Variants in SCHIP1 observed in about 807,000 individuals in gnomAD.
SCHIP1 encodes schwannomin-interacting protein 1.
Under a neutral mutation model 29.7 loss-of-function variants are expected in SCHIP1, and 8 were observed. The observed-to-expected ratio is 0.27, with a 90% CI of 0.16 to 0.49. SCHIP1 has a LOEUF of 0.49. SCHIP1 is among the 20% of genes least tolerant of loss of function. The pLI, the probability that SCHIP1 is intolerant of heterozygous loss-of-function variation, is 0.99. For missense variants in SCHIP1, 193 were observed against 294.6 expected (o/e 0.66, Z 2.52); for synonymous variants, 76 against 94.9 (o/e 0.80, Z 1.16).
the SCHIP1 span, among the ~76,000 whole-genome samples, chr3:159,407,944 T>G: frequency 6.6e-6 from 1 of 152,116 alleles, no homozygotes; most frequent in African/African-American, 2.4e-5. Context: ...AAACTTCAAA[T>G]AAACAACTTA....
At chr3:159,698,546 G>T in the SCHIP1 span, among the ~76,000 whole-genome samples, 1 of 152,236 alleles carries the variant, frequency 6.6e-6, no homozygotes, top group Non-Finnish European at 1.5e-5. Flanking sequence ...GCACTTGCTT[G>T]ATAGGTACAG....
the SCHIP1 span, among the ~76,000 whole-genome samples, chr3:159,619,436 A>G: frequency 6.6e-6 from 1 of 152,320 alleles, no homozygotes; most frequent in East Asian, 1.9e-4. Flanking sequence ...TTATGAAAAC[A>G]GAGGGATTAA....
At chr3:159,791,411 C>T in the SCHIP1 span, among the ~76,000 whole-genome samples, 37,195 of 152,190 alleles carry the variant, frequency 0.24, 4,828 homozygotes, top group East Asian at 0.45. Flanking sequence ...AGGGAAGAGG[C>T]GATGTTACCA....
At chr3:159,762,809 T>TG in the SCHIP1 span, among the ~76,000 whole-genome samples, 4 of 152,234 alleles carry the variant, frequency 2.6e-5, no homozygotes, top group African/African-American at 9.6e-5. Context: ...CGTACGTTTT[T>TG]GAAAACGCCA....
chr3:159,866,288 GTTCT>G lies in SCHIP1; in HGVS notation c.149+10_149+13del, dbSNP rs1413450358. 1 of 1,610,964 alleles carries G rather than the reference GTTCT, an allele frequency of 6.2e-7. No individual in the cohort carries two copies. The highest frequency in any genetic ancestry group is 8.5e-7 in the Non-Finnish European group (1 of 1,177,810). ...AGCCAAGCCTTTCCTCCCGGTGAGTGTTCTTTTGAGTTGAATTTCTGATATGTAC... is the reference window on the plus strand; with the variant it reads ...AGCCAAGCCTTTCCTCCCGGTGAGTGTTTGAGTTGAATTTCTGATATGTAC... On this transcript the variant is annotated splice_region_variant and intron_variant, in intron 2 of 6. Coordinates refer to ENST00000445224, the Ensembl canonical transcript of SCHIP1.
chr3:159,569,324 C>T, the SCHIP1 span, among the ~76,000 whole-genome samples: 2 of 152,260 alleles, frequency 1.3e-5, no homozygotes, highest in South Asian at 4.1e-4. Context: ...CCTAGCCCCC[C>T]ACACACCAAC....
chr3:159,549,592 G>T, the SCHIP1 span, among the ~76,000 whole-genome samples: 795 of 152,248 alleles, frequency 5.2e-3, 10 homozygotes, highest in African/African-American at 0.018. Context: ...TCCAATTTAA[G>T]GAGAAAGTTT....
chr3:159,639,001 C>G, the SCHIP1 span, among the ~76,000 whole-genome samples: 2 of 152,070 alleles, frequency 1.3e-5, no homozygotes, highest in Non-Finnish European at 2.9e-5. Context: ...ATGACCTAGA[C>G]ATTTACATAA....
At chr3:159,713,854 CA>C in the SCHIP1 span, among the ~76,000 whole-genome samples, 26,346 of 152,180 alleles carry the variant, frequency 0.17, 2,566 homozygotes, top group Middle Eastern at 0.24. Flanking sequence ...TACAGCAAAG[CA>C]AACAAATACA....
intron 1 of SCHIP1, chr3:159,840,299 G>A (rs1055109709): frequency 3.1e-5 from 37 of 1,187,368 alleles, no homozygotes; most frequent in Non-Finnish European, 4.0e-5. Flanking sequence ...GCCTCTTTCC[G>A]GATATTCAGG....
chr3:159,871,494 G>A (rs571118945), intron 2 of SCHIP1, among the ~76,000 whole-genome samples: 8 of 152,236 alleles, frequency 5.3e-5, no homozygotes, highest in African/African-American at 1.9e-4. Context: ...TGTAACTATT[G>A]CCTAAAATAG....
At chr3:159,705,994 C>T in the SCHIP1 span, among the ~76,000 whole-genome samples, 2 of 152,078 alleles carry the variant, frequency 1.3e-5, no homozygotes, top group African/African-American at 2.4e-5. Context: ...TGTGAGCCAC[C>T]GCACCAGGCC....
chr3:159,310,487 G>C, the SCHIP1 span, among the ~76,000 whole-genome samples: 1 of 152,088 alleles, frequency 6.6e-6, no homozygotes, highest in African/African-American at 2.4e-5. Context: ...CCAGAGGAAG[G>C]CTGGCAAAAA....
At chr3:159,460,348 C>G in the SCHIP1 span, among the ~76,000 whole-genome samples, 5 of 152,090 alleles carry the variant, frequency 3.3e-5, no homozygotes, top group Non-Finnish European at 7.4e-5. Context: ...AAAGGAAGGT[C>G]AAGGAATAGT....
At chr3:159,575,335 A>G in the SCHIP1 span, among the ~76,000 whole-genome samples, 1 of 152,144 alleles carries the variant, frequency 6.6e-6, no homozygotes, top group African/African-American at 2.4e-5. Context: ...GAAATTTTCT[A>G]TGCTTTTTTC....
At chr3:159,758,334 G>A in the SCHIP1 span, among the ~76,000 whole-genome samples, 1 of 152,078 alleles carries the variant, frequency 6.6e-6, no homozygotes, top group African/African-American at 2.4e-5. Flanking sequence ...TGTATTTTTA[G>A]TAGAGGCGGT....
chr3:159,655,821 G>A, the SCHIP1 span, among the ~76,000 whole-genome samples: 2 of 152,228 alleles, frequency 1.3e-5, no homozygotes, highest in Middle Eastern at 3.4e-3. Flanking sequence ...CCCAGGAGGC[G>A]GAGGTTGCAG....
At chr3:159,633,636 A>C in the SCHIP1 span, among the ~76,000 whole-genome samples, 1 of 152,248 alleles carries the variant, frequency 6.6e-6, no homozygotes, top group Admixed American at 6.5e-5. Context: ...TAATTTTAAT[A>C]TGAAATTTTC....
the SCHIP1 span, among the ~76,000 whole-genome samples, chr3:159,570,882 T>A: frequency 6.6e-6 from 1 of 152,222 alleles, no homozygotes; most frequent in Non-Finnish European, 1.5e-5. Context: ...GTTGGATTCC[T>A]AGGTATTTTA....
Sources: gnomAD v4.1 joint callset for allele counts (sites outside exome capture counted in the v4.1 genomes callset) on GRCh38, gnomAD v4.1.1 for gene constraint, MANE v1.5 for transcripts, NCBI Gene and HGNC (gene_info 2026-07-23, HGNC 2026-07-21) for gene names.